The following RUNX3 variants were observed in gnomAD, a reference collection of about 807,000 sequenced individuals.
RUNX3 encodes RUNX family transcription factor 3.
A neutral mutation model predicts 27.7 loss-of-function variants in RUNX3; 10 were observed. The observed-to-expected ratio is 0.36, with a 90% CI of 0.22 to 0.61. The LOEUF is 0.61. RUNX3 is among the 20% of genes least tolerant of loss of function. The probability of loss-of-function intolerance (pLI) is 0.72; values close to 1 mark genes in which losing one functional copy is unlikely to be tolerated. For synonymous variants in RUNX3, 270 were observed against 269.2 expected (o/e 1.00, Z -0.03); for missense variants, 469 against 629.5 (o/e 0.75, Z 2.73).
chr1:24,920,515 G>A (rs1460479405), intron 2 of RUNX3, among the ~76,000 whole-genome samples: 3 of 152,136 alleles, frequency 2.0e-5, no homozygotes, highest in Non-Finnish European at 4.4e-5. Flanking sequence ...TATTACTAGT[G>A]AGAATGAAAC....
intron 2 of RUNX3, among the ~76,000 whole-genome samples, chr1:24,956,862 C>G (rs963901842): frequency 1.3e-5 from 2 of 152,224 alleles, no homozygotes; most frequent in East Asian, 3.9e-4. Context: ...CCAAGCGTTC[C>G]GTCCCCCAGA....
intron 3 of RUNX3, among the ~76,000 whole-genome samples, chr1:24,917,371 C>T (rs1157697312): frequency 3.3e-5 from 5 of 152,280 alleles, no homozygotes; most frequent in East Asian, 1.9e-4. Flanking sequence ...GAGAGCTCAC[C>T]GTTGACTAAT....
At chr1:24,915,295 G>A (rs1357670996) in intron 3 of RUNX3, among the ~76,000 whole-genome samples, 1 of 152,146 alleles carries the variant, frequency 6.6e-6, no homozygotes, top group East Asian at 1.9e-4. Context: ...GTGGTGGCGT[G>A]TGCCTGTAAT....
In RUNX3 at chr1:24,927,512, C is replaced by T. The variant is rs1641121393; in HGVS notation, c.439+62G>A. ...GGGATTCTAAGGCCCCTCTTTCAAC[C>T]TCCTTCCCTGCTGCCCCTGCCATTG... On this transcript the variant is annotated intron_variant, in intron 2 of 4. Coordinates refer to ENST00000308873, the MANE Select transcript of RUNX3 (RefSeq NM_004350.3). This position sits in a 1 kb window ranked among gnomAD's most constrained non-coding sequence, Gnocchi z 5.0. 6.4e-7 allele frequency: 1 copy of T among 1,566,130 alleles called. No homozygotes were observed. The highest frequency in any genetic ancestry group is 8.8e-7 in the Non-Finnish European group (1 of 1,138,126).
intron 3 of RUNX3, among the ~76,000 whole-genome samples, chr1:24,918,750 G>A (rs949624392): frequency 1.3e-5 from 2 of 152,096 alleles, no homozygotes; most frequent in African/African-American, 2.4e-5. Context: ...CTGGGTGCCC[G>A]GACTCTGGGT....
chr1:24,909,578 T>C (rs1027302931), intron 3 of RUNX3, among the ~76,000 whole-genome samples: 2 of 152,194 alleles, frequency 1.3e-5, no homozygotes, highest in Admixed American at 6.5e-5. Flanking sequence ...TCAACAAGCA[T>C]GGCGAGAATG....
rs1641041918 is a variant in RUNX3, at chr1:24,923,681, T to C, written c.439+3893A>G. ...AGGTCCCCGCCCCACCCACAGGAGC[T>C]GCATGGGTGGGGGGAGGGGACGTGT... On this transcript the variant is annotated intron_variant, in intron 2 of 4. Transcript: ENST00000308873. This position sits in a 1 kb window ranked among gnomAD's most constrained non-coding sequence, Gnocchi z 5.9. Among the ~76,000 whole-genome samples the C allele has an allele frequency of 1.3e-5, 2 of 152,086 alleles. No homozygotes were observed. Among genetic ancestry groups the C allele is most frequent in the Admixed American group, 1.3e-4 (2 of 15,270 alleles).
At chr1:24,964,117 G>A (rs1225700019) in intron 2 of RUNX3, among the ~76,000 whole-genome samples, 1 of 152,238 alleles carries the variant, frequency 6.6e-6, no homozygotes, top group African/African-American at 2.4e-5. Context: ...GAAGTTGCCA[G>A]CAGTGACCTC....
At chr1:24,930,924 C>T (rs961093288), upstream of RUNX3, among the ~76,000 whole-genome samples, 1 of 152,224 alleles carries the variant, frequency 6.6e-6, no homozygotes, top group African/African-American at 2.4e-5. This position sits in a 1 kb window ranked among gnomAD's most constrained non-coding sequence, Gnocchi z 4.1. Flanking sequence ...AAGGGAGTCT[C>T]CTAGGGACCC....
At chr1:24,913,640 C>G (rs1041360166) in intron 3 of RUNX3, among the ~76,000 whole-genome samples, 3 of 152,226 alleles carry the variant, frequency 2.0e-5, no homozygotes, top group African/African-American at 7.2e-5. Context: ...AAAGTGGGAG[C>G]AGGAATGCTG....
intron 2 of RUNX3, among the ~76,000 whole-genome samples, chr1:24,920,813 C>T (rs183644669): frequency 2.3e-4 from 35 of 152,300 alleles, no homozygotes; most frequent in Non-Finnish European, 4.4e-4. Context: ...TTACTTTCGA[C>T]AGTCTTCTCT....
rs1396840693 is a variant in RUNX3, at chr1:24,930,110, C to T, written c.-242G>A. 1.0e-6 allele frequency: 1 copy of T among 979,064 alleles called. No individual in the cohort carries two copies. Among genetic ancestry groups the T allele is most frequent in the East Asian group, 1.2e-4 (1 of 8,674 alleles). The allele number at this position is 979,064 out of a possible 1,614,324, so 60.6% of individuals were successfully genotyped here. A position where few individuals can be genotyped will look rare whatever the true frequency, so the allele number is the denominator to read the frequency against. On this transcript the variant is annotated 5_prime_UTR_variant, in exon 1 of 5. Transcript: ENST00000308873. The surrounding 1 kb of genome is among the most constrained non-coding windows in gnomAD (Gnocchi z 4.1). ...CCCGGCTAGTCCCGCATCCTCGGCGCGCGGCCCCGCGTGCGGCCGCCCCTC... is the reference window on the plus strand; with the variant it reads ...CCCGGCTAGTCCCGCATCCTCGGCGTGCGGCCCCGCGTGCGGCCGCCCCTC...
At chr1:24,906,866 C>T (rs1336399122) in intron 4 of RUNX3, among the ~76,000 whole-genome samples, 1 of 152,182 alleles carries the variant, frequency 6.6e-6, no homozygotes, top group Admixed American at 6.5e-5. Context: ...TGAAAAATCG[C>T]AGGCTGTGGG....
chr1:24,902,441 G>A lies in RUNX3; in HGVS notation c.929C>T (p.Pro310Leu). ...TSRFHHTYLP[P>L]PYPGAPQNQS... is the part of the protein sequence containing the mutation. ...GTTCTGCGGGGCCCCCGGGTAGGGT[G>A]GCGGGAGGTAGGTATGGTGGAAGCG... Residue 310 changes from proline (P) to leucine (L), a missense_variant, in exon 5 of 5, where the codon CCA (proline) becomes CTA (leucine). Physicochemically the swap from Pro to Leu is moderately conservative, Grantham distance 98 (BLOSUM62 -3). Transcript: ENST00000308873. The surrounding 1 kb of genome is among the most constrained non-coding windows in gnomAD (Gnocchi z 9.2). The A allele has an allele frequency of 1.2e-6, 2 of 1,609,814 alleles. No homozygotes were observed. Among genetic ancestry groups the A allele is most frequent in the Non-Finnish European group, 1.7e-6 (2 of 1,177,178 alleles).
At chr1:24,947,992 G>T (rs181334819) in intron 2 of RUNX3, among the ~76,000 whole-genome samples, 13 of 152,360 alleles carry the variant, frequency 8.5e-5, no homozygotes, top group East Asian at 1.9e-4. Context: ...TTCCCCATCT[G>T]TCAGACAATG....
chr1:24,933,506 C>T (rs544724985), upstream of RUNX3, among the ~76,000 whole-genome samples: 75 of 152,282 alleles, frequency 4.9e-4, no homozygotes, highest in Non-Finnish European at 9.6e-4. Flanking sequence ...GTCCAGTTCT[C>T]ATATTCAAAG....
At chr1:24,964,589 G>T (rs983916252) in exon 2 of RUNX3, 11 of 1,605,216 alleles carry the variant, frequency 6.9e-6, no homozygotes, top group Non-Finnish European at 9.4e-6. Context: ...TCTGAAGAAG[G>T]CGAGAATTTT....
chr1:24,932,310 A>G (rs1280284108), upstream of RUNX3, among the ~76,000 whole-genome samples: 1 of 138,536 alleles, frequency 7.2e-6, no homozygotes, highest in Non-Finnish European at 1.6e-5. Context: ...CACCAGATCC[A>G]AGGGACCAGG....
chr1:24,937,351 C>T (rs1231333478), intron 2 of RUNX3, among the ~76,000 whole-genome samples: 1 of 152,170 alleles, frequency 6.6e-6, no homozygotes, highest in Non-Finnish European at 1.5e-5. Context: ...TTGTACTGGG[C>T]CCCCCAAATT....
Sources: allele counts gnomAD v4.1 joint callset (sites outside exome capture counted in the v4.1 genomes callset), GRCh38; gene constraint gnomAD v4.1.1; non-coding constraint Gnocchi (gnomAD v3.1); transcripts MANE v1.5; gene names NCBI Gene and HGNC (gene_info 2026-07-23, HGNC 2026-07-21).